The following SLCO2B1 variants were observed in gnomAD, a reference collection of about 807,000 sequenced individuals.
The protein encoded by SLCO2B1 is OATP-RP2.
A neutral mutation model predicts 67.3 loss-of-function variants in SLCO2B1; 41 were observed. That is an observed-to-expected ratio of 0.61 (90% CI 0.47 to 0.79). The LOEUF is 0.79. Ranked by LOEUF, SLCO2B1 falls within the 30% of genes least tolerant of loss-of-function variation. The probability of loss-of-function intolerance (pLI) is 0.00; values close to 1 mark genes in which losing one functional copy is unlikely to be tolerated. For synonymous variants in SLCO2B1, 379 were observed against 381.4 expected (o/e 0.99, Z 0.07); for missense variants, 837 against 920.1 (o/e 0.91, Z 1.17).
intron 8 of SLCO2B1, among the ~76,000 whole-genome samples, chr11:75,191,158 G>A (rs1480814496): frequency 6.6e-6 from 1 of 152,116 alleles, no homozygotes; most frequent in East Asian, 1.9e-4. Flanking sequence ...GAGGATAGAA[G>A]GGAGGATGGA....
intron 2 of SLCO2B1, 147 bp from the exon 3 acceptor site, chr11:75,163,816 C>T (rs1280059327): frequency 1.1e-6 from 1 of 871,700 alleles, no homozygotes; most frequent in Non-Finnish European, 1.7e-6. Flanking sequence ...CTCTCTGTCT[C>T]TCTTCTGTTG....
chr11:75,199,582 G>A (rs1306559533), intron 10 of SLCO2B1: 2 of 152,286 alleles, frequency 1.3e-5, no homozygotes, highest in African/African-American at 4.8e-5. Context: ...CTGGAGGTGA[G>A]AGGCCCAGAG....
At position 75,204,592 on chromosome 11, in the gene SLCO2B1, G is replaced by T. The variant is rs373800926; in HGVS notation, c.*12G>T. 1.1e-5 allele frequency: 17 copies of T among 1,592,820 alleles called. No individual in the cohort carries two copies. The highest frequency in any genetic ancestry group is 2.2e-4 in the Middle Eastern group (1 of 4,554). ...ATTCCCGAGTGTGAGCTGTCTTGGG[G>T]CCCCACCTGGCCAAGAGTAGCAGCC... is the stretch of plus-strand genomic sequence containing the variant. On this transcript the variant is annotated 3_prime_UTR_variant, in exon 14 of 14. Transcript: ENST00000289575.
rs202235884 is a variant in SLCO2B1 at position 75,169,392 on chromosome 11, C to T, written c.668C>T (p.Ser223Leu). 15 of 1,598,596 alleles carry T rather than the reference C, an allele frequency of 9.4e-6. No individual in the cohort carries two copies. Among genetic ancestry groups the T allele is most frequent in the East Asian group, 4.5e-5 (2 of 44,620 alleles). The change falls in exon 5 of 14, where the codon TCG becomes TTG. Residue 223 changes from serine to leucine, a missense_variant. Transcript: ENST00000289575. ...YIDDFAHNSN[S>L]PLYLGILFAV... is the part of the protein sequence containing the mutation. ...GATGACTTTGCCCACAACAGCAACT[C>T]GCCCCTCTACCTCGGTGAGGACCAG... is the stretch of plus-strand genomic sequence containing the variant.
intron 1 of SLCO2B1, among the ~76,000 whole-genome samples, chr11:75,161,828 A>G (rs543119772): frequency 1.4e-4 from 21 of 152,188 alleles, no homozygotes; most frequent in Non-Finnish European, 3.1e-4. Context: ...TGAGCTCAGG[A>G]GACCCTGGGA....
intron 7 of SLCO2B1, among the ~76,000 whole-genome samples, chr11:75,184,524 C>T (rs544926153): frequency 1.6e-4 from 24 of 152,326 alleles, no homozygotes; most frequent in Non-Finnish European, 2.1e-4. Context: ...AGTGCTCAAG[C>T]ACCAGGGAGG....
At chr11:75,161,105 T>C (rs999281254) in intron 1 of SLCO2B1, among the ~76,000 whole-genome samples, 1 of 152,202 alleles carries the variant, frequency 6.6e-6, no homozygotes, top group Admixed American at 6.5e-5. Flanking sequence ...GAATTGAAAA[T>C]GTATGTCTCC....
chr11:75,198,421 C>CAAA (rs1945133567), intron 10 of SLCO2B1, among the ~76,000 whole-genome samples: 1 of 152,234 alleles, frequency 6.6e-6, no homozygotes, highest in African/African-American at 2.4e-5. Context: ...CGCCACATAA[C>CAAA]GTTATCCATG....
chr11:75,165,940 A>C lies in SLCO2B1; in HGVS notation c.439A>C (p.Thr147Pro). 1 of 1,613,650 alleles carries C rather than the reference A, an allele frequency of 6.2e-7. No individual in the cohort carries two copies. The highest frequency in any genetic ancestry group is 1.1e-5 in the South Asian group (1 of 91,054). Residue 147 changes from threonine to proline, a missense_variant, in exon 4 of 14, where the codon ACC (threonine) becomes CCC (proline). By Grantham distance (38) the Thr-to-Pro change is conservative. Transcript: ENST00000289575. ...CTCGGAGCCATACCGCTACGACAAC[A>C]CCAGCCCTGGTAAGAGCAGCAGGGG... ...FISEPYRYDN[T>P]SPEDMPQDFK...
rs138949637 is a variant in SLCO2B1, at chr11:75,169,641, T to A, written c.683-25T>A. 2.0e-4 allele frequency: 310 copies of A among 1,585,216 alleles called. 1 individual carries two copies. The highest frequency in any genetic ancestry group is 2.6e-4 in the Non-Finnish European group (305 of 1,159,072). ...GCAGAGGGAAGCCAGGGCCAGAGGATCCTAACTCAGGCTTTGTGTTGTAGG... is the reference window on the plus strand; with the variant it reads ...GCAGAGGGAAGCCAGGGCCAGAGGAACCTAACTCAGGCTTTGTGTTGTAGG... On this transcript the variant is annotated intron_variant, in intron 5 of 13. Transcript: ENST00000289575.
chr11:75,188,497 G>A (rs972305774), intron 8 of SLCO2B1, among the ~76,000 whole-genome samples: 1 of 152,126 alleles, frequency 6.6e-6, no homozygotes, highest in Non-Finnish European at 1.5e-5. Context: ...AGGCCGAGGT[G>A]GACGGATCAC....
chr11:75,191,552 C>T (rs990182267), intron 8 of SLCO2B1, among the ~76,000 whole-genome samples: 1 of 152,158 alleles, frequency 6.6e-6, no homozygotes, highest in African/African-American at 2.4e-5. Flanking sequence ...CCCAAGGAAA[C>T]AGATCCTAGC....
rs1565555422 is a variant in SLCO2B1, at chr11:75,205,910, G to A, written c.*1330G>A. On this transcript the variant is annotated 3_prime_UTR_variant, in exon 14 of 14. Transcript: ENST00000289575. ...CAGCAGACAGGGAGCCACCAGCAGT[G>A]GCTTCCTGGCCCTGTGCTGGGGGTG... 1 of 152,230 alleles carries A rather than the reference G, an allele frequency of 6.6e-6. No homozygotes were observed. Among genetic ancestry groups the A allele is most frequent in the Non-Finnish European group, 1.5e-5 (1 of 68,040 alleles). 9.4% of individuals were successfully genotyped at this position (152,230 alleles called of 1,614,324 possible).
In SLCO2B1 at chr11:75,185,238, T is replaced by C. The variant is rs116062242; in HGVS notation, c.973-2898T>C. On this transcript the variant is annotated intron_variant, in intron 7 of 13. Coordinates refer to ENST00000289575, the MANE Select transcript of SLCO2B1 (RefSeq NM_007256.5). ...TGCCTCATGATGATCTCAGAAAAAA[T>C]GAGATGGGAGAAGAAAGAGAAAGTG... Among the ~76,000 whole-genome samples, 359 of 151,768 alleles carry C rather than the reference T, an allele frequency of 2.4e-3. 3 individuals carry two copies. Among genetic ancestry groups the C allele is most frequent in the African/African-American group, 8.3e-3 (345 of 41,350 alleles).
chr11:75,184,007 C>T (rs949351158), intron 7 of SLCO2B1, among the ~76,000 whole-genome samples: 1 of 152,182 alleles, frequency 6.6e-6, no homozygotes, highest in African/African-American at 2.4e-5. Context: ...GCCCATATAC[C>T]AGTGGCCTGG....
chr11:75,165,894 C>T lies in SLCO2B1; in HGVS notation c.393C>T (p.Leu131=). 6.2e-7 allele frequency: 1 copy of T among 1,614,170 alleles called. No homozygotes were observed. The highest frequency in any genetic ancestry group is 8.5e-7 in the Non-Finnish European group (1 of 1,180,006). Residue 131 remains leucine (L), a synonymous_variant, in exon 4 of 14, where the codon CTC becomes CTT. Coordinates refer to ENST00000289575, the MANE Select transcript of SLCO2B1 (RefSeq NM_007256.5). ...GAILVALAGL[L]MTLPHFISEP... is the part of the protein sequence containing the mutation. ...TCCTTGTGGCCCTGGCGGGCCTGCT[C>T]ATGACTCTCCCGCACTTCATCTCGG...
chr11:75,172,538 T>C lies in SLCO2B1; in HGVS notation c.941T>C (p.Val314Ala), dbSNP rs773942861. 1.2e-5 allele frequency: 19 copies of C among 1,614,066 alleles called. No individual in the cohort carries two copies. Among genetic ancestry groups the C allele is most frequent in the Non-Finnish European group, 1.6e-5 (19 of 1,179,992 alleles). The change falls in exon 7 of 14, where the codon GTC becomes GCC. Residue 314 changes from valine (V) to alanine (A), a missense_variant. Val to Ala is a moderately conservative substitution (Grantham distance 64, BLOSUM62 0). Coordinates refer to ENST00000289575, the MANE Select transcript of SLCO2B1 (RefSeq NM_007256.5). ...EKRELQFRRK[V>A]LAVTDSPARK... ...CGTGAGCTTCAGTTTCGGCGAAAGGTCTTAGCAGTCACAGACTCACCTGCC... is the reference window on the plus strand; with the variant it reads ...CGTGAGCTTCAGTTTCGGCGAAAGGCCTTAGCAGTCACAGACTCACCTGCC...
At chr11:75,203,658 T>C (rs1004274943) in intron 13 of SLCO2B1, 1 of 526,994 alleles carries the variant, frequency 1.9e-6, no homozygotes, top group South Asian at 2.2e-5. Context: ...ACACAGCTAA[T>C]AACTTGCAGA....
rs771325791 is a variant in SLCO2B1 at position 75,193,450 on chromosome 11, C to G, written c.1308C>G (p.His436Gln). Residue 436 changes from histidine (H) to glutamine (Q), a missense_variant, in exon 9 of 14, where the codon CAC becomes CAG. By Grantham distance (24) the His-to-Gln change is conservative. Coordinates refer to ENST00000289575, the MANE Select transcript of SLCO2B1 (RefSeq NM_007256.5). The surrounding 1 kb of genome is among the most constrained non-coding windows in gnomAD (Gnocchi z 4.2). The stretch of plus-strand genomic sequence containing the variant: ...GTGGCGTCCTGGTCAAGCGGCTCCA[C>G]CTGGGCCCTGTGGGATGCGGTGCCC... ...VVGGVLVKRL[H>Q]LGPVGCGALC... is the part of the protein sequence containing the mutation. 6.2e-6 allele frequency: 10 copies of G among 1,613,354 alleles called. No individual in the cohort carries two copies. Among genetic ancestry groups the G allele is most frequent in the Non-Finnish European group, 7.6e-6 (9 of 1,179,388 alleles).
Sources: allele counts gnomAD v4.1 joint callset (sites outside exome capture counted in the v4.1 genomes callset), GRCh38; gene constraint gnomAD v4.1.1; non-coding constraint Gnocchi (gnomAD v3.1); transcripts MANE v1.5; gene names NCBI Gene and HGNC (gene_info 2026-07-23, HGNC 2026-07-21).